CFAP44: variants seen among roughly 807,000 people sequenced by gnomAD.
CFAP44 encodes cilia- and flagella-associated protein 44.
A neutral mutation model predicts 216.2 loss-of-function variants in CFAP44; 134 were observed. The ratio of observed to expected loss-of-function variants is 0.62; its 90% confidence interval spans 0.54 to 0.72. The LOEUF is 0.72. Ranked by LOEUF, CFAP44 falls within the 30% of genes least tolerant of loss-of-function variation. CFAP44 has a pLI of 0.00. For missense variants in CFAP44, 2,035 were observed against 2,182.1 expected, an observed-to-expected ratio of 0.93 and a Z score of 1.34; for synonymous variants, 700 against 727.6, an observed-to-expected ratio of 0.96 and a Z score of 0.61.
chr3:113,367,466 T>A (rs1199139540), intron 18 of CFAP44, among the ~76,000 whole-genome samples: 2 of 151,988 alleles, frequency 1.3e-5, no homozygotes, highest in African/African-American at 4.8e-5. Context: ...TCCAGCAAAC[T>A]CCAACAGACC....
intron 15 of CFAP44, among the ~76,000 whole-genome samples, chr3:113,388,946 C>T (rs1306004943): frequency 6.6e-6 from 1 of 152,202 alleles, no homozygotes; most frequent in Non-Finnish European, 1.5e-5. Flanking sequence ...TAACACCCAA[C>T]TGTCAACACT....
At position 113,363,164 on chromosome 3, in the gene CFAP44, T is replaced by C; in HGVS notation, c.2915A>G (p.His972Arg). Residue 972 changes from histidine (H) to arginine (R), a missense_variant, in exon 21 of 35, where the codon CAT (histidine) becomes CGT (arginine). Coordinates refer to ENST00000393845, the MANE Select transcript of CFAP44 (RefSeq NM_001164496.2). ...LLEMNEKLPKHMQFKRTDFDV... is the reference protein window; with the variant it reads ...LLEMNEKLPKRMQFKRTDFDV... The stretch of plus-strand genomic sequence containing the variant: ...GCTTACTGTTCGTTTAAACTGCATA[T>C]GCTTTGGTAATTTTTCATTCATTTC... The C allele has an allele frequency of 6.2e-7, 1 of 1,609,330 alleles. No individual in the cohort carries two copies. The highest frequency in any genetic ancestry group is 8.5e-7 in the Non-Finnish European group (1 of 1,178,666).
chr3:113,436,441 G>A (rs547828427), intron 1 of CFAP44, among the ~76,000 whole-genome samples: 13 of 152,268 alleles, frequency 8.5e-5, no homozygotes, highest in African/African-American at 2.9e-4. Context: ...ATACAAAGGT[G>A]AGCAATATAC....
intron 2 of CFAP44, 70 bp downstream of exon 2, chr3:113,433,495 T>A: frequency 3.6e-6 from 2 of 550,206 alleles, no homozygotes; most frequent in African/African-American, 2.1e-5. Context: ...CATTCTACTA[T>A]AAAAATTAAT....
chr3:113,320,464 AT>A lies in CFAP44; in HGVS notation c.4516+5980del, dbSNP rs1950134139. ...TATATGATATATATTACATCTATAT[AT>A]CATATATGATATATATGATATATAG... On this transcript the variant is annotated intron_variant, in intron 28 of 34. Coordinates refer to ENST00000393845, the MANE Select transcript of CFAP44 (RefSeq NM_001164496.2). 4.9e-5 allele frequency among the ~76,000 whole-genome samples: 5 copies of A among 102,750 alleles called. No individual in the cohort carries two copies. The South Asian group carries it at 1.1e-3, about 22-fold the overall frequency. 67.4% of individuals were successfully genotyped at this position (102,750 alleles called of 152,430 possible).
At chr3:113,361,672 T>C (rs908311786) in intron 21 of CFAP44, among the ~76,000 whole-genome samples, 4 of 151,786 alleles carry the variant, frequency 2.6e-5, no homozygotes, top group African/African-American at 9.7e-5. Context: ...ATTTTTTTTG[T>C]ATTTTTTAGT....
At chr3:113,417,082 A>T (rs60429373) in intron 5 of CFAP44, 2,536 of 153,636 alleles carry the variant, frequency 0.017, 58 homozygotes, top group African/African-American at 0.049. Flanking sequence ...CATTTCTAAC[A>T]AGGTGATGTT....
In CFAP44 at chr3:113,289,804, C is replaced by G. The variant is rs1309658154; in HGVS notation, c.*1753G>C. ...GTCTCCCTCACTCTTGGATCACTTGCTCTGGGAGAAGTCATATCCCAAGCG... is the reference window on the plus strand; with the variant it reads ...GTCTCCCTCACTCTTGGATCACTTGGTCTGGGAGAAGTCATATCCCAAGCG... On this transcript the variant is annotated 3_prime_UTR_variant, in exon 35 of 35. Transcript: ENST00000393845. 1 of 152,410 alleles carries G rather than the reference C, an allele frequency of 6.6e-6. No homozygotes were observed. Among genetic ancestry groups the G allele is most frequent in the East Asian group, 1.9e-4 (1 of 5,178 alleles). The allele number at this position is 152,410 out of a possible 1,614,324, so 9.4% of individuals were successfully genotyped here. A position where few individuals can be genotyped will look rare whatever the true frequency, so the allele number is the denominator to read the frequency against.
rs1949796066 is a variant in CFAP44, at chr3:113,288,422, G to A, written c.*3135C>T. The A allele has an allele frequency of 6.6e-6, 1 of 152,146 alleles. No individual in the cohort carries two copies. Among genetic ancestry groups the A allele is most frequent in the African/African-American group, 2.4e-5 (1 of 41,408 alleles). The allele number at this position is 152,146 out of a possible 1,614,324, so 9.4% of individuals were successfully genotyped here. ...GACTGTAAGGAACAGGTAAATGTTA[G>A]GAAATGAGAAGCAGAGCAGGGAAGA... On this transcript the variant is annotated 3_prime_UTR_variant, in exon 35 of 35. Coordinates refer to ENST00000393845, the MANE Select transcript of CFAP44 (RefSeq NM_001164496.2).
At chr3:113,346,633 A>C (rs1323223480) in intron 22 of CFAP44, among the ~76,000 whole-genome samples, 2 of 151,810 alleles carry the variant, frequency 1.3e-5, no homozygotes, top group Non-Finnish European at 2.9e-5. Context: ...AAACACACCA[A>C]TCAGCGCTCT....
chr3:113,410,865 T>C (rs936798561), intron 6 of CFAP44, among the ~76,000 whole-genome samples: 1 of 152,360 alleles, frequency 6.6e-6, no homozygotes, highest in Non-Finnish European at 1.5e-5. Flanking sequence ...TGGTATCTCA[T>C]TGTGGTTTTG....
chr3:113,371,312 T>C (rs190974384), intron 18 of CFAP44, among the ~76,000 whole-genome samples: 7 of 152,140 alleles, frequency 4.6e-5, no homozygotes, highest in Admixed American at 6.5e-5. Flanking sequence ...AGGCATCACA[T>C]TACCTGACTT....
intron 23 of CFAP44, among the ~76,000 whole-genome samples, chr3:113,342,977 C>T (rs955679857): frequency 4.7e-5 from 7 of 149,196 alleles, no homozygotes; most frequent in Non-Finnish European, 1.0e-4. Context: ...GAGAGAGACT[C>T]TGTATCAAAA....
intron 26 of CFAP44, among the ~76,000 whole-genome samples, chr3:113,328,374 G>A (rs140046846): frequency 2.7e-5 from 4 of 150,940 alleles, no homozygotes; most frequent in African/African-American, 7.3e-5. Context: ...CCAAGTCCTG[G>A]TCCAGACTTT....
Position 113,305,105 on chromosome 3 carries a change from C to T in CFAP44, c.4806G>A (p.Glu1602=), listed in dbSNP as rs1427735359. 1.9e-5 allele frequency: 29 copies of T among 1,537,134 alleles called. No individual in the cohort carries two copies. Among genetic ancestry groups the T allele is most frequent in the African/African-American group, 5.5e-5 (4 of 73,034 alleles). ...TNLNAAEEAL[E]AYQREKQQRL... is the part of the protein sequence containing the mutation. Reference sequence around the variant, plus strand: ...GCTGCTGCTTCTCTCGCTGATAAGCCTCCAGGGCCTCCTCTGCTGCATTCA... The same window carrying T: ...GCTGCTGCTTCTCTCGCTGATAAGCTTCCAGGGCCTCCTCTGCTGCATTCA... Residue 1602 remains glutamate, a synonymous_variant, in exon 31 of 35, where the codon GAG becomes GAA. Coordinates refer to ENST00000393845, the MANE Select transcript of CFAP44 (RefSeq NM_001164496.2).
Position 113,395,776 on chromosome 3 carries a change from G to T in CFAP44, c.1864C>A (p.Gln622Lys). 6.2e-7 allele frequency: 1 copy of T among 1,612,708 alleles called. No individual in the cohort carries two copies. Among genetic ancestry groups the T allele is most frequent in the Non-Finnish European group, 8.5e-7 (1 of 1,179,536 alleles). The change falls in exon 15 of 35, where the codon CAG (glutamine) becomes AAG (lysine). Residue 622 changes from glutamine (Q) to lysine (K), a missense_variant. Gln to Lys is a moderately conservative substitution (Grantham distance 53). This residue lies in a region of CFAP44 where 1,883 missense variants were observed against 2,023.7 expected (regional missense o/e 0.93). Coordinates refer to ENST00000393845, the MANE Select transcript of CFAP44 (RefSeq NM_001164496.2). ...TGAGACATGGGAGACCACATTAACT[G>T]ACACACAGGTCCAGGAGTATTAATA... ...GYINTPGPVC[Q>K]LMWSPMSHPE...
intron 22 of CFAP44, among the ~76,000 whole-genome samples, chr3:113,350,117 A>G (rs1343440040): frequency 6.6e-6 from 1 of 152,162 alleles, no homozygotes; most frequent in Non-Finnish European, 1.5e-5. Context: ...AAGGGGAAGG[A>G]GAGGGGAGAA....
At chr3:113,413,798 C>T (rs1027079663) in intron 6 of CFAP44, among the ~76,000 whole-genome samples, 11 of 152,158 alleles carry the variant, frequency 7.2e-5, no homozygotes, top group African/African-American at 1.2e-4. Flanking sequence ...TAGTGTGATG[C>T]CTCCAGCTTT....
At chr3:113,404,689 T>C (rs925872169) in intron 8 of CFAP44, among the ~76,000 whole-genome samples, 5 of 152,216 alleles carry the variant, frequency 3.3e-5, no homozygotes, top group African/African-American at 1.2e-4. Context: ...CTTGTGCATG[T>C]TGGTTACCTC....
Sources: gnomAD v4.1 joint callset for allele counts (sites outside exome capture counted in the v4.1 genomes callset) on GRCh38, gnomAD v4.1.1 for gene constraint, gnomAD v4.1.1 regional missense constraint, MANE v1.5 for transcripts, NCBI Gene and HGNC (gene_info 2026-07-23, HGNC 2026-07-21) for gene names.